RORB: variants seen among roughly 807,000 people sequenced by gnomAD.
RORB encodes RAR related orphan receptor B.
RORB carries 6 observed loss-of-function variants against 59.1 expected under a neutral mutation model. That is an observed-to-expected ratio of 0.10 (90% CI 0.06 to 0.20). RORB has a LOEUF of 0.20. Among genes scored for constraint, RORB ranks in the 10% least tolerant of loss-of-function variants. The pLI is 1.00. For missense variants in RORB, 320 were observed against 560.5 expected (o/e 0.57, Z 4.33); for synonymous variants, 215 against 204.5 (o/e 1.05, Z -0.44).
chr9:74,549,621 GAAGGAAGA>G lies in RORB; in HGVS notation c.7+51645_7+51652del, dbSNP rs1468165571. Among the ~76,000 whole-genome samples, 32 of 111,096 alleles carry G rather than the reference GAAGGAAGA, an allele frequency of 2.9e-4. 2 individuals carry two copies. Among genetic ancestry groups the G allele is most frequent in the African/African-American group, 8.9e-4 (27 of 30,360 alleles). The allele number at this position is 111,096 out of a possible 152,430, so 72.9% of individuals were successfully genotyped here. On this transcript the variant is annotated intron_variant, in intron 1 of 9. Coordinates refer to ENST00000376896, the MANE Select transcript of RORB (RefSeq NM_006914.4). ...GGAAGGAAGGAAGAAAGGAAGGAAG[GAAGGAAGA>G]AAGGAAAGAAAGAAAGAAAGAGAGA...
intron 9 of RORB, among the ~76,000 whole-genome samples, chr9:74,680,700 G>T (rs1824533597): frequency 6.6e-6 from 1 of 152,074 alleles, no homozygotes; most frequent in South Asian, 2.1e-4. Flanking sequence ...AAATCAAATG[G>T]ACATGTGAAA....
chr9:74,559,916 A>C (rs560377369), intron 1 of RORB, among the ~76,000 whole-genome samples: 1 of 152,322 alleles, frequency 6.6e-6, no homozygotes, highest in Admixed American at 6.5e-5. Flanking sequence ...GACAGTAAGG[A>C]AAGATCTAAG....
At chr9:74,673,834 G>A (rs1031764229) in intron 9 of RORB, among the ~76,000 whole-genome samples, 7 of 152,192 alleles carry the variant, frequency 4.6e-5, no homozygotes, top group African/African-American at 1.7e-4. Flanking sequence ...ACAAAGCATT[G>A]CTTCTATAGG....
At chr9:74,513,711 T>C (rs902878964) in intron 1 of RORB, among the ~76,000 whole-genome samples, 1 of 152,098 alleles carries the variant, frequency 6.6e-6, no homozygotes, top group Non-Finnish European at 1.5e-5. Context: ...AAAGTAGATA[T>C]TGTAAAATTT....
chr9:74,634,934 C>T (rs749368014), intron 3 of RORB, among the ~76,000 whole-genome samples, 162 bp downstream of exon 3: 5 of 152,248 alleles, frequency 3.3e-5, no homozygotes, highest in Admixed American at 6.5e-5. Flanking sequence ...TAAGAATATA[C>T]AAAAATAGAG....
chr9:74,527,460 G>A (rs1017355591), intron 1 of RORB, among the ~76,000 whole-genome samples: 1 of 151,958 alleles, frequency 6.6e-6, no homozygotes, highest in African/African-American at 2.4e-5. Context: ...AAAATTGAAA[G>A]TATTTGTGAC....
At chr9:74,529,429 G>C (rs142058309) in intron 1 of RORB, among the ~76,000 whole-genome samples, 157 of 151,462 alleles carry the variant, frequency 1.0e-3, no homozygotes, top group African/African-American at 3.6e-3. Context: ...CATAGTTTCT[G>C]CTCCTTGTAG....
intron 1 of RORB, among the ~76,000 whole-genome samples, chr9:74,624,494 T>C (rs1260050760): frequency 1.3e-5 from 2 of 152,220 alleles, no homozygotes; most frequent in Non-Finnish European, 2.9e-5. Context: ...TCAAGACTTT[T>C]ATATTTGTCC....
intron 1 of RORB, among the ~76,000 whole-genome samples, chr9:74,567,513 A>G (rs981841868): frequency 2.6e-5 from 4 of 152,190 alleles, no homozygotes; most frequent in African/African-American, 9.7e-5. Flanking sequence ...TGGCAAGGAC[A>G]GAAAAGTCAA....
intron 1 of RORB, among the ~76,000 whole-genome samples, chr9:74,597,883 G>A (rs993553169): frequency 4.6e-5 from 7 of 151,924 alleles, no homozygotes; most frequent in South Asian, 4.1e-4. Flanking sequence ...GCTTGAACCC[G>A]GGAGGCAGAG....
intron 8 of RORB, among the ~76,000 whole-genome samples, chr9:74,668,270 G>A (rs552181594): frequency 6.6e-6 from 1 of 152,326 alleles, no homozygotes; most frequent in Non-Finnish European, 1.5e-5. Context: ...CAGTAGAAAT[G>A]TACCTAAATG....
intron 1 of RORB, among the ~76,000 whole-genome samples, chr9:74,611,930 A>G (rs1383190458): frequency 6.6e-6 from 1 of 152,140 alleles, no homozygotes; most frequent in Non-Finnish European, 1.5e-5. Flanking sequence ...GATTACAGGC[A>G]TGAGCCACCA....
chr9:74,575,872 C>T (rs1352010317), intron 1 of RORB, among the ~76,000 whole-genome samples: 2 of 152,016 alleles, frequency 1.3e-5, no homozygotes, highest in East Asian at 3.9e-4. Context: ...TGAGATAATG[C>T]ATGTAAAAGC....
intron 1 of RORB, among the ~76,000 whole-genome samples, chr9:74,616,970 C>T (rs1443694392): frequency 2.7e-5 from 4 of 149,168 alleles, no homozygotes; most frequent in African/African-American, 7.4e-5. Context: ...AATGAATATC[C>T]CAAATTAAAG....
chr9:74,573,689 G>A (rs749647823), intron 1 of RORB, among the ~76,000 whole-genome samples: 3 of 152,026 alleles, frequency 2.0e-5, no homozygotes, highest in Non-Finnish European at 4.4e-5. Context: ...TTGCTTCTCA[G>A]AGCAATAACC....
chr9:74,682,980 T>C (rs917887888), intron 9 of RORB, among the ~76,000 whole-genome samples: 3 of 152,206 alleles, frequency 2.0e-5, no homozygotes, highest in Non-Finnish European at 2.9e-5. Context: ...ATGAACCCAC[T>C]GCATCAGTGT....
intron 1 of RORB, among the ~76,000 whole-genome samples, chr9:74,514,277 C>T (rs1178795915): frequency 6.6e-6 from 1 of 152,058 alleles, no homozygotes. Context: ...TCAGTACATT[C>T]CACTAGACCA....
intron 1 of RORB, among the ~76,000 whole-genome samples, chr9:74,503,494 T>A (rs1460307033): frequency 6.6e-6 from 1 of 151,988 alleles, no homozygotes; most frequent in Non-Finnish European, 1.5e-5. Context: ...AGAGCAACTT[T>A]CCAGAGCATT....
chr9:74,557,367 C>A lies in RORB; in HGVS notation c.7+59384C>A, dbSNP rs188339173. On this transcript the variant is annotated intron_variant, in intron 1 of 9. Transcript: ENST00000376896. ...AGTTGCTGCTGGCAAACATCTGGAACCATGCAGAAAGCCAGCATGAGGAGC... is the reference window on the plus strand; with the variant it reads ...AGTTGCTGCTGGCAAACATCTGGAAACATGCAGAAAGCCAGCATGAGGAGC... Among the ~76,000 whole-genome samples the A allele has an allele frequency of 5.9e-5, 9 of 152,260 alleles. No homozygotes were observed. The East Asian group carries it at 9.7e-4, about 16-fold the overall frequency.
Sources: gnomAD v4.1 joint callset for allele counts (sites outside exome capture counted in the v4.1 genomes callset) on GRCh38, gnomAD v4.1.1 for gene constraint, MANE v1.5 for transcripts, NCBI Gene and HGNC (gene_info 2026-07-23, HGNC 2026-07-21) for gene names.